Variants in NRF1 observed in about 807,000 individuals in gnomAD.
NRF1 encodes nuclear respiratory factor 1.
In NRF1, 5 loss-of-function variants were observed where a neutral mutation model predicts 58.5. The observed-to-expected ratio is 0.09, with a 90% CI of 0.04 to 0.18. The LOEUF (loss-of-function observed/expected upper bound fraction) is 0.18, where lower values mean the gene tolerates loss of function less well. Ranked by LOEUF, NRF1 falls within the 10% of genes least tolerant of loss-of-function variation. The pLI is 1.00. For missense variants in NRF1, 288 were observed against 657.7 expected (o/e 0.44, Z 6.15); for synonymous variants, 224 against 246.7 (o/e 0.91, Z 0.86).
chr7:129,677,798 T>C (rs1802217005), intron 4 of NRF1, 40 bp downstream of exon 4: 1 of 1,608,186 alleles, frequency 6.2e-7, no homozygotes, highest in African/African-American at 1.3e-5. Flanking sequence ...CCCTTTGCTT[T>C]CTGTCGGCTG....
At chr7:129,638,135 G>A (rs1438642794) in intron 1 of NRF1, among the ~76,000 whole-genome samples, 1 of 151,680 alleles carries the variant, frequency 6.6e-6, no homozygotes. Flanking sequence ...CTTTTTGGGG[G>A]TTGTGATATG....
chr7:129,623,696 G>C (rs1038487735), intron 1 of NRF1, among the ~76,000 whole-genome samples: 1 of 152,028 alleles, frequency 6.6e-6, no homozygotes, highest in African/African-American at 2.4e-5. Flanking sequence ...CAAATCTAGG[G>C]TAAATCATTT....
At chr7:129,723,528 G>T (rs1165990857) in intron 9 of NRF1, among the ~76,000 whole-genome samples, 2 of 151,870 alleles carry the variant, frequency 1.3e-5, no homozygotes, top group East Asian at 3.8e-4. Flanking sequence ...AAAAATTAAG[G>T]GCCTAGGTAC....
intron 2 of NRF1, among the ~76,000 whole-genome samples, chr7:129,665,747 C>T (rs554108571): frequency 1.3e-5 from 2 of 152,182 alleles, no homozygotes; most frequent in South Asian, 2.1e-4. Context: ...ACCTCATCCT[C>T]GTGGACAGGT....
chr7:129,667,640 C>T (rs746760411), intron 2 of NRF1, among the ~76,000 whole-genome samples: 4 of 151,480 alleles, frequency 2.6e-5, no homozygotes, highest in Admixed American at 6.6e-5. Flanking sequence ...TTTATCCTTT[C>T]GGGATCTTGT....
chr7:129,618,766 G>T (rs555581029), intron 1 of NRF1, among the ~76,000 whole-genome samples: 6 of 152,112 alleles, frequency 3.9e-5, no homozygotes, highest in Non-Finnish European at 8.8e-5. Context: ...AAATGTTTTG[G>T]AGTTTTTTTT....
chr7:129,657,849 G>A (rs1359818815), intron 2 of NRF1, among the ~76,000 whole-genome samples: 3 of 152,088 alleles, frequency 2.0e-5, no homozygotes, highest in African/African-American at 7.2e-5. Context: ...GGGCTCAAGC[G>A]ATCCTTCTGC....
chr7:129,753,463 T>C (rs1288446276), intron 10 of NRF1, among the ~76,000 whole-genome samples: 2 of 152,256 alleles, frequency 1.3e-5, no homozygotes, highest in Non-Finnish European at 2.9e-5. Flanking sequence ...ATCAGAACCA[T>C]TTCACATTTG....
At chr7:129,729,858 G>A (rs1159490551) in intron 10 of NRF1, among the ~76,000 whole-genome samples, 1 of 152,078 alleles carries the variant, frequency 6.6e-6, no homozygotes, top group Non-Finnish European at 1.5e-5. Flanking sequence ...TGTTTTTTGA[G>A]ACAGAGTCTT....
chr7:129,716,480 T>C (rs1803192157), intron 8 of NRF1, among the ~76,000 whole-genome samples: 1 of 152,186 alleles, frequency 6.6e-6, no homozygotes, highest in South Asian at 2.1e-4. Flanking sequence ...TATTATGTAT[T>C]TATTTAAATT....
chr7:129,751,500 A>G (rs1461045077), intron 10 of NRF1, among the ~76,000 whole-genome samples: 1 of 152,244 alleles, frequency 6.6e-6, no homozygotes, highest in Admixed American at 6.5e-5. Flanking sequence ...ACAATTGGGC[A>G]TGGGCCCACA....
At chr7:129,706,431 A>G (rs1368983538) in intron 5 of NRF1, among the ~76,000 whole-genome samples, 1 of 152,246 alleles carries the variant, frequency 6.6e-6, no homozygotes, top group Non-Finnish European at 1.5e-5. Context: ...GCCGGAGAAG[A>G]AGGGATAGAC....
intron 5 of NRF1, among the ~76,000 whole-genome samples, chr7:129,706,200 G>T (rs936296366): frequency 6.6e-6 from 1 of 152,150 alleles, no homozygotes; most frequent in Non-Finnish European, 1.5e-5. Context: ...GCCAGATTGT[G>T]GTGGGTCTGA....
At chr7:129,633,458 C>G (rs929403619) in intron 1 of NRF1, 1 of 152,198 alleles carries the variant, frequency 6.6e-6, no homozygotes, top group Non-Finnish European at 1.5e-5. Flanking sequence ...CCTTTGAACC[C>G]TTGTGCACTT....
At chr7:129,639,963 A>G (rs910588136) in intron 1 of NRF1, among the ~76,000 whole-genome samples, 3 of 152,212 alleles carry the variant, frequency 2.0e-5, no homozygotes, top group Non-Finnish European at 4.4e-5. Context: ...TCAGTTGAAC[A>G]CTCTGGCGCT....
chr7:129,656,264 A>G (rs1801652057), intron 1 of NRF1, among the ~76,000 whole-genome samples: 3 of 152,232 alleles, frequency 2.0e-5, no homozygotes, highest in Admixed American at 1.3e-4. Flanking sequence ...ACACATGCAT[A>G]TAATAAAGTA....
At chr7:129,620,298 G>GT (rs1210540882) in intron 1 of NRF1, among the ~76,000 whole-genome samples, 2 of 151,772 alleles carry the variant, frequency 1.3e-5, no homozygotes, top group East Asian at 1.9e-4. Flanking sequence ...GGATTGCTTG[G>GT]TTTTTTTATA....
intron 1 of NRF1, among the ~76,000 whole-genome samples, chr7:129,616,093 C>T (rs1317145919): frequency 6.6e-6 from 1 of 151,964 alleles, no homozygotes; most frequent in Non-Finnish European, 1.5e-5. Context: ...TTCAAAAGTG[C>T]ACTTCAGAAT....
At chr7:129,622,406 C>T (rs1026297232) in intron 1 of NRF1, among the ~76,000 whole-genome samples, 2 of 151,904 alleles carry the variant, frequency 1.3e-5, no homozygotes, top group South Asian at 2.1e-4. Flanking sequence ...CTTCCAAAAT[C>T]GATTCTAAGT....
Sources: allele counts gnomAD v4.1 joint callset (sites outside exome capture counted in the v4.1 genomes callset), GRCh38; gene constraint gnomAD v4.1.1; transcripts MANE v1.5; gene names NCBI Gene and HGNC (gene_info 2026-07-23, HGNC 2026-07-21).